The following SORCS1 variants were observed in gnomAD, a reference collection of about 807,000 sequenced individuals.
The protein encoded by SORCS1 is sortilin related VPS10 domain containing receptor 1.
In SORCS1, 60 loss-of-function variants were observed where a neutral mutation model predicts 146.1. The observed-to-expected ratio is 0.41, with a 90% CI of 0.33 to 0.51. The LOEUF (loss-of-function observed/expected upper bound fraction) is 0.51. SORCS1 is among the 20% of genes least tolerant of loss of function. The probability of loss-of-function intolerance (pLI) is 0.21; values close to 1 mark genes in which losing one functional copy is unlikely to be tolerated. For missense variants in SORCS1, 1,352 were observed against 1,487.6 expected (o/e 0.91, Z 1.50); for synonymous variants, 637 against 584.0 (o/e 1.09, Z -1.31).
intron 2 of SORCS1, among the ~76,000 whole-genome samples, chr10:106,849,462 T>C (rs1949451995): frequency 1.4e-5 from 2 of 144,430 alleles, no homozygotes; most frequent in Non-Finnish European, 3.1e-5. Flanking sequence ...CTTCTCTGTA[T>C]TGGTTATTCT....
At chr10:107,026,744 C>A (rs1279989064) in intron 1 of SORCS1, among the ~76,000 whole-genome samples, 1 of 151,958 alleles carries the variant, frequency 6.6e-6, no homozygotes, top group Non-Finnish European at 1.5e-5. Context: ...TGATGTGACA[C>A]CCTGCCATGC....
At chr10:106,809,836 T>C (rs1216861468) in intron 3 of SORCS1, among the ~76,000 whole-genome samples, 1 of 152,192 alleles carries the variant, frequency 6.6e-6, no homozygotes, top group East Asian at 1.9e-4. Context: ...TTAAGGCACA[T>C]CTACTGTTTG....
intron 1 of SORCS1, among the ~76,000 whole-genome samples, chr10:107,056,821 A>G (rs1008306642): frequency 2.0e-5 from 3 of 152,258 alleles, no homozygotes; most frequent in African/African-American, 7.2e-5. Context: ...TTTACAGTAA[A>G]TAACCCTAAC....
chr10:106,723,654 A>G (rs1855938684), intron 6 of SORCS1, among the ~76,000 whole-genome samples: 1 of 152,356 alleles, frequency 6.6e-6, no homozygotes, highest in East Asian at 1.9e-4. Flanking sequence ...CAAGATATCT[A>G]CATATTAGAG....
intron 18 of SORCS1, among the ~76,000 whole-genome samples, chr10:106,629,753 T>A (rs565492732): frequency 1.3e-3 from 202 of 152,302 alleles, no homozygotes; most frequent in Non-Finnish European, 2.4e-3. Context: ...TTTAAAAATT[T>A]AGCTTACCTG....
chr10:106,689,357 T>C (rs1436697453), intron 9 of SORCS1, among the ~76,000 whole-genome samples: 2 of 152,150 alleles, frequency 1.3e-5, no homozygotes, highest in Admixed American at 6.5e-5. Flanking sequence ...GACTGAAACA[T>C]GTTGAGTAAT....
At chr10:107,155,381 A>G (rs991005152) in intron 1 of SORCS1, among the ~76,000 whole-genome samples, 1 of 152,190 alleles carries the variant, frequency 6.6e-6, no homozygotes, top group South Asian at 2.1e-4. Context: ...AGTTTGTAAA[A>G]TATAGATGCC....
At chr10:106,798,860 A>C (rs985256936) in intron 3 of SORCS1, among the ~76,000 whole-genome samples, 1 of 151,106 alleles carries the variant, frequency 6.6e-6, no homozygotes, top group Non-Finnish European at 1.5e-5. Flanking sequence ...GACTTTTTTC[A>C]CTGAATTGGA....
intron 1 of SORCS1, among the ~76,000 whole-genome samples, chr10:107,124,166 C>G (rs1307954192): frequency 6.6e-6 from 1 of 151,406 alleles, no homozygotes. Flanking sequence ...TATATGAAAA[C>G]TTTTTGTACC....
chr10:107,026,054 G>C (rs1958387600), intron 1 of SORCS1, among the ~76,000 whole-genome samples: 1 of 152,114 alleles, frequency 6.6e-6, no homozygotes, highest in African/African-American at 2.4e-5. Context: ...ATAGGTTGCA[G>C]GATTGAGATC....
At chr10:106,887,501 C>G (rs1191471213) in intron 2 of SORCS1, among the ~76,000 whole-genome samples, 1 of 152,032 alleles carries the variant, frequency 6.6e-6, no homozygotes. Context: ...CACTTGAACC[C>G]AGGAGGCAGA....
chr10:107,051,912 C>T (rs1288413727), intron 1 of SORCS1, among the ~76,000 whole-genome samples: 1 of 152,124 alleles, frequency 6.6e-6, no homozygotes, highest in Non-Finnish European at 1.5e-5. Context: ...TTGGCACAGA[C>T]TTTTCAGTGA....
intron 13 of SORCS1, among the ~76,000 whole-genome samples, chr10:106,676,066 G>A (rs143235506): frequency 7.9e-5 from 12 of 152,148 alleles, no homozygotes; most frequent in African/African-American, 2.4e-4. Flanking sequence ...GATGGCCACC[G>A]AGGACCTTTT....
At chr10:107,093,932 A>G (rs1379302798) in intron 1 of SORCS1, among the ~76,000 whole-genome samples, 1 of 151,910 alleles carries the variant, frequency 6.6e-6, no homozygotes, top group Non-Finnish European at 1.5e-5. Context: ...CTTTTTACTC[A>G]CCATTCCTAT....
chr10:107,038,170 C>T (rs1159565559), intron 1 of SORCS1, among the ~76,000 whole-genome samples: 1 of 152,102 alleles, frequency 6.6e-6, no homozygotes, highest in Non-Finnish European at 1.5e-5. Context: ...AGCCAAGTGT[C>T]ACCAAACAAA....
intron 1 of SORCS1, among the ~76,000 whole-genome samples, chr10:107,104,563 T>C (rs1026949640): frequency 3.3e-5 from 5 of 151,762 alleles, no homozygotes; most frequent in African/African-American, 7.3e-5. Flanking sequence ...AACATAAGTG[T>C]GATGTTCCCA....
intron 3 of SORCS1, among the ~76,000 whole-genome samples, chr10:106,778,074 C>T (rs1889963): frequency 6.6e-6 from 1 of 151,870 alleles, no homozygotes; most frequent in Admixed American, 6.6e-5. Context: ...CATTTGGAGG[C>T]AATCATATTA....
intron 6 of SORCS1, among the ~76,000 whole-genome samples, chr10:106,729,177 G>A (rs1212126531): frequency 6.6e-6 from 1 of 152,222 alleles, no homozygotes; most frequent in Non-Finnish European, 1.5e-5. Flanking sequence ...AATAGGCTCT[G>A]TGAGATAGAC....
chr10:107,054,495 A>C (rs1960411607), intron 1 of SORCS1, among the ~76,000 whole-genome samples: 1 of 152,214 alleles, frequency 6.6e-6, no homozygotes, highest in African/African-American at 2.4e-5. Context: ...TGTGACAGAA[A>C]AGAGCTGGAC....
Sources: allele counts gnomAD v4.1 joint callset (sites outside exome capture counted in the v4.1 genomes callset), GRCh38; gene constraint gnomAD v4.1.1; transcripts MANE v1.5; gene names NCBI Gene and HGNC (gene_info 2026-07-23, HGNC 2026-07-21).